The following GPA33 variants were observed in gnomAD, a reference collection of about 807,000 sequenced individuals.
GPA33 encodes the protein cell surface A33 antigen.
A neutral mutation model predicts 35.6 loss-of-function variants in GPA33; 27 were observed. That is an observed-to-expected ratio of 0.76 (90% CI 0.56 to 1.04). The LOEUF (loss-of-function observed/expected upper bound fraction) is 1.04, where lower values mean the gene tolerates loss of function less well. Ranked by LOEUF, GPA33 falls within the 50% of genes least tolerant of loss-of-function variation. The pLI is 0.00. For synonymous variants in GPA33, 176 were observed against 164.0 expected (o/e 1.07, Z -0.56); for missense variants, 428 against 411.9 (o/e 1.04, Z -0.34).
intron 1 of GPA33, among the ~76,000 whole-genome samples, chr1:167,088,620 A>G (rs939772770): frequency 2.0e-5 from 3 of 152,194 alleles, no homozygotes; most frequent in African/African-American, 7.2e-5. Flanking sequence ...GCCTTCTCAT[A>G]GGAAGAAGCA....
Position 167,069,070 on chromosome 1 carries a change from G to A in GPA33, c.267C>T (p.Val89=). 1 of 1,613,930 alleles carries A rather than the reference G, an allele frequency of 6.2e-7. No individual in the cohort carries two copies. Among genetic ancestry groups the A allele is most frequent in the East Asian group, 2.2e-5 (1 of 44,878 alleles). The change falls in exon 3 of 7, where the codon GTC becomes GTT. Residue 89 remains valine (V), a synonymous_variant. Transcript: ENST00000367868. ...YIHGELYKNR[V]SISNNAEQSD... Reference sequence around the variant, plus strand: ...ACTGCTCAGCATTGTTGGATATGCTGACGCGATTCTTATAAAGCTCACCAT... The same window carrying A: ...ACTGCTCAGCATTGTTGGATATGCTAACGCGATTCTTATAAAGCTCACCAT...
rs1558007208 is a variant in GPA33 at position 167,068,923 on chromosome 1, G to GAGGA, written c.410_413dup (p.Val139ProfsTer79). On this transcript the variant is annotated frameshift_variant and splice_region_variant, in exon 3 of 7. Coordinates refer to ENST00000367868, the MANE Select transcript of GPA33 (RefSeq NM_005814.3). LOFTEE classifies it high-confidence loss of function. ...CCTGAAAGACATGAAGACACTCACC[G>GAGGA]AGGACCAACAGGCGGACACGTGACT... is the stretch of plus-strand genomic sequence containing the variant. 2 of 1,610,794 alleles carry GAGGA rather than the reference G, an allele frequency of 1.2e-6. No homozygotes were observed. Among genetic ancestry groups the GAGGA allele is most frequent in the Admixed American group, 3.3e-5 (2 of 60,000 alleles).
intron 3 of GPA33, among the ~76,000 whole-genome samples, chr1:167,064,141 G>A (rs944017387): frequency 5.3e-5 from 8 of 152,046 alleles, no homozygotes; most frequent in African/African-American, 7.2e-5. Flanking sequence ...AAAATTAGCC[G>A]GCCGTGGTGG....
chr1:167,080,766 T>C (rs1344455119), intron 1 of GPA33, among the ~76,000 whole-genome samples: 1 of 152,246 alleles, frequency 6.6e-6, no homozygotes, highest in Non-Finnish European at 1.5e-5. Flanking sequence ...CATGTCTCTC[T>C]CCTCTGCTGC....
chr1:167,056,621 TGA>T (rs1666270681), intron 4 of GPA33, among the ~76,000 whole-genome samples: 7 of 104,838 alleles, frequency 6.7e-5, no homozygotes, highest in Admixed American at 9.5e-5. Context: ...GTGTGTGTGG[TGA>T]GTGTGTGATG....
At chr1:167,064,168 C>G (rs1347390341) in intron 3 of GPA33, among the ~76,000 whole-genome samples, 2 of 152,112 alleles carry the variant, frequency 1.3e-5, no homozygotes, top group Non-Finnish European at 2.9e-5. Flanking sequence ...CCTATAATCC[C>G]AGTTACTCAG....
At chr1:167,085,269 T>C (rs999858131) in intron 1 of GPA33, among the ~76,000 whole-genome samples, 2 of 152,094 alleles carry the variant, frequency 1.3e-5, no homozygotes, top group East Asian at 1.9e-4. Context: ...CATGGAAACA[T>C]CAAGGCCAGA....
chr1:167,083,228 C>A (rs1178218812), intron 1 of GPA33, among the ~76,000 whole-genome samples: 1 of 152,208 alleles, frequency 6.6e-6, no homozygotes, highest in Non-Finnish European at 1.5e-5. Flanking sequence ...GTGGAGTAAT[C>A]CATCTCCCTA....
intron 3 of GPA33, among the ~76,000 whole-genome samples, chr1:167,067,657 A>C (rs1321060849): frequency 6.6e-6 from 1 of 152,202 alleles, no homozygotes; most frequent in African/African-American, 2.4e-5. Context: ...TCATACAAAA[A>C]AATGTTAACA....
Position 167,090,349 on chromosome 1 carries a change from G to A in GPA33, c.-62C>T. ...ACTGGCAGCCTCCAGACAGGTCTGA[G>A]CTGTCTGGTTAAAGCTACAGCAGCT... is the stretch of plus-strand genomic sequence containing the variant. On this transcript the variant is annotated 5_prime_UTR_variant, in exon 1 of 7. Transcript: ENST00000367868. The A allele has an allele frequency of 7.2e-7, 1 of 1,395,308 alleles. No homozygotes were observed. Among genetic ancestry groups the A allele is most frequent in the Non-Finnish European group, 1.0e-6 (1 of 983,044 alleles). 86.4% of individuals were successfully genotyped at this position (1,395,308 alleles called of 1,614,324 possible).
intron 4 of GPA33, among the ~76,000 whole-genome samples, chr1:167,059,329 C>T (rs948814213): frequency 6.6e-6 from 1 of 152,170 alleles, no homozygotes; most frequent in African/African-American, 2.4e-5. Context: ...GCAGTGGCGA[C>T]ACCTTGTGGT....
At chr1:167,061,815 G>T (rs1243318192) in intron 4 of GPA33, among the ~76,000 whole-genome samples, 1 of 152,016 alleles carries the variant, frequency 6.6e-6, no homozygotes, top group Non-Finnish European at 1.5e-5. Context: ...TGTTAGCCAG[G>T]ATGGTCTCGA....
rs76074441 is a variant in GPA33, at chr1:167,073,528, C to T, written c.55G>A (p.Val19Ile). 3.3e-4 allele frequency: 538 copies of T among 1,613,560 alleles called. 4 individuals carry two copies. The African/African-American group carries it at 6.4e-3, about 19-fold the overall frequency. Residue 19 changes from valine (V) to isoleucine (I), a missense_variant, in exon 2 of 7, where the codon GTC (valine) becomes ATC (isoleucine). Val to Ile is a conservative substitution (Grantham distance 29). Coordinates refer to ENST00000367868, the MANE Select transcript of GPA33 (RefSeq NM_005814.3). Reference protein sequence around the residue: ...LWTLCAVRVTVDAISVETPQD... With the variant: ...LWTLCAVRVTIDAISVETPQD... ...GGAGTTTCCACAGAGATGGCATCGA[C>T]GGTCACCCTGACTGGAAAGAAAGTA...
At chr1:167,073,967 G>A (rs574972462) in intron 1 of GPA33, among the ~76,000 whole-genome samples, 58 of 151,968 alleles carry the variant, frequency 3.8e-4, no homozygotes, top group Non-Finnish European at 7.6e-4. Flanking sequence ...ACCTGCCATC[G>A]TTTTGGTTGT....
chr1:167,088,383 T>C (rs12038499), intron 1 of GPA33, among the ~76,000 whole-genome samples: 61,858 of 151,786 alleles, frequency 0.41, 12,930 homozygotes, highest in Middle Eastern at 0.45. Context: ...TAAACTCTGT[T>C]TATATACCTC....
In GPA33 at chr1:167,069,084, A is replaced by G. The variant is rs1666662035; in HGVS notation, c.253T>C (p.Tyr85His). 6.8e-6 allele frequency: 11 copies of G among 1,614,002 alleles called. No individual in the cohort carries two copies. The highest frequency in any genetic ancestry group is 8.5e-6 in the Non-Finnish European group (10 of 1,179,914). ...SNKNYIHGEL[Y>H]KNRVSISNNA... ...TTGGATATGCTGACGCGATTCTTAT[A>G]AAGCTCACCATGGATGTAGTTTTTG... Residue 85 changes from tyrosine to histidine, a missense_variant, in exon 3 of 7, where the codon TAT becomes CAT. Coordinates refer to ENST00000367868, the MANE Select transcript of GPA33 (RefSeq NM_005814.3).
At position 167,054,244 on chromosome 1, in the gene GPA33, G is replaced by A. The variant is rs41270694; in HGVS notation, c.*90C>T. 0.014 allele frequency: 20,991 copies of A among 1,495,106 alleles called. 181 individuals are homozygous for A. Among genetic ancestry groups the A allele is most frequent in the Non-Finnish European group, 0.017 (18,136 of 1,091,348 alleles). The allele number at this position is 1,495,106 out of a possible 1,614,324, so 92.6% of individuals were successfully genotyped here. ...CATCAATGTCTGGGATGGAGGGACAGGAGAACAGGGCTTAGAAAGGAGAAG... is the reference window on the plus strand; with the variant it reads ...CATCAATGTCTGGGATGGAGGGACAAGAGAACAGGGCTTAGAAAGGAGAAG... On this transcript the variant is annotated 3_prime_UTR_variant, in exon 7 of 7. Transcript: ENST00000367868.
chr1:167,082,160 C>A, intron 1 of GPA33: 1 of 436,756 alleles, frequency 2.3e-6, no homozygotes. Context: ...CAACAGTGTC[C>A]CAGTCCTACA....
chr1:167,087,385 G>A (rs1178747650), intron 1 of GPA33, among the ~76,000 whole-genome samples: 1 of 152,188 alleles, frequency 6.6e-6, no homozygotes, highest in African/African-American at 2.4e-5. Flanking sequence ...ACCTATAATA[G>A]CCCTGTTGGG....
Sources: allele counts gnomAD v4.1 joint callset (sites outside exome capture counted in the v4.1 genomes callset), GRCh38; gene constraint gnomAD v4.1.1; transcripts MANE v1.5; gene names NCBI Gene and HGNC (gene_info 2026-07-23, HGNC 2026-07-21).